The following TACR1 variants were observed in gnomAD, a reference collection of about 807,000 sequenced individuals.
The protein encoded by TACR1 is tachykinin receptor 1, also known as substance-P receptor.
In TACR1, 25 loss-of-function variants were observed where a neutral mutation model predicts 35.8. That is an observed-to-expected ratio of 0.70 (90% confidence interval 0.51 to 0.98). The LOEUF is 0.98. Ranked by LOEUF, TACR1 falls within the 50% of genes least tolerant of loss-of-function variation. The probability of loss-of-function intolerance (pLI) is 0.00; values close to 1 mark genes in which losing one functional copy is unlikely to be tolerated. For missense variants in TACR1, 478 were observed against 522.9 expected, an observed-to-expected ratio of 0.91 and a Z score of 0.84; for synonymous variants, 195 against 206.7, an observed-to-expected ratio of 0.94 and a Z score of 0.48.
Position 75,085,863 on chromosome 2 carries a change from T to C in TACR1, c.585-32108A>G, listed in dbSNP as rs574807337. Among the ~76,000 whole-genome samples the C allele has an allele frequency of 5.6e-4, 85 of 152,342 alleles. 1 individual carries two copies. The South Asian group carries it at 0.017, about 31-fold the overall frequency. ...TTCCTCATTCCATAAACTCATTCTC[T>C]TTCTCTGATCCCCTCTGGAATTCTT... On this transcript the variant is annotated intron_variant, in intron 2 of 4. Coordinates refer to ENST00000305249, the MANE Select transcript of TACR1 (RefSeq NM_001058.4).
At chr2:75,143,950 T>C (rs1204395055) in intron 1 of TACR1, among the ~76,000 whole-genome samples, 2 of 152,056 alleles carry the variant, frequency 1.3e-5, no homozygotes. Context: ...CTTCCAAGCG[T>C]GTAGAGGGAA....
chr2:75,175,212 G>A (rs1572980166), intron 1 of TACR1, among the ~76,000 whole-genome samples: 1 of 152,168 alleles, frequency 6.6e-6, no homozygotes, highest in African/African-American at 2.4e-5. Flanking sequence ...CTGGCATTTT[G>A]TTGTGGGAAC....
chr2:75,172,401 G>A (rs1675308273), intron 1 of TACR1, among the ~76,000 whole-genome samples: 1 of 152,170 alleles, frequency 6.6e-6, no homozygotes, highest in Non-Finnish European at 1.5e-5. Flanking sequence ...AGAAAGAATA[G>A]TCACATAATT....
chr2:75,091,900 G>A lies in TACR1; in HGVS notation c.584+28674C>T, dbSNP rs189081849. On this transcript the variant is annotated intron_variant, in intron 2 of 4. Transcript: ENST00000305249. ...GCAGTTCTTCCCCTCACTAATGTAC[G>A]GCTGTGGACAGGTTATGTAAGTTCT... 2.5e-3 allele frequency among the ~76,000 whole-genome samples: 388 copies of A among 152,290 alleles called. 3 individuals carry two copies. Among genetic ancestry groups the A allele is most frequent in the African/African-American group, 9.0e-3 (376 of 41,556 alleles).
At chr2:75,187,039 AG>A (rs1470537182) in intron 1 of TACR1, 1 of 152,286 alleles carries the variant, frequency 6.6e-6, no homozygotes, top group Non-Finnish European at 1.5e-5. Context: ...CCCTCGCCCC[AG>A]GATTTGTAAA....
intron 2 of TACR1, among the ~76,000 whole-genome samples, chr2:75,120,256 C>T (rs544200611): frequency 5.7e-4 from 86 of 152,146 alleles, no homozygotes; most frequent in African/African-American, 2.0e-3. Flanking sequence ...GGAAAAAGTT[C>T]CTAGGCAAAG....
In TACR1 at chr2:75,129,474, G is replaced by A. The variant is rs111698250; in HGVS notation, c.390-8706C>T. On this transcript the variant is annotated intron_variant, in intron 1 of 4. Coordinates refer to ENST00000305249, the MANE Select transcript of TACR1 (RefSeq NM_001058.4). Reference sequence around the variant, plus strand: ...ATTTGAAAATACAAAATAAATTGTCGTTGAATGGATTTTGAATGTTCCCAA... The same window carrying A: ...ATTTGAAAATACAAAATAAATTGTCATTGAATGGATTTTGAATGTTCCCAA... 4.6e-3 allele frequency among the ~76,000 whole-genome samples: 699 copies of A among 152,218 alleles called. 9 individuals carry two copies. The highest frequency in any genetic ancestry group is 0.016 in the African/African-American group (658 of 41,516).
chr2:75,170,238 A>C (rs933367039), intron 1 of TACR1, among the ~76,000 whole-genome samples: 1 of 152,200 alleles, frequency 6.6e-6, no homozygotes. Flanking sequence ...TGTGATAGTG[A>C]ATAAGTCTCA....
intron 1 of TACR1, among the ~76,000 whole-genome samples, chr2:75,146,625 GCGT>G (rs1242874123): frequency 6.6e-6 from 1 of 152,138 alleles, no homozygotes; most frequent in Admixed American, 6.5e-5. Flanking sequence ...GAGGATTATT[GCGT>G]TACTTGTGAT....
intron 2 of TACR1, among the ~76,000 whole-genome samples, chr2:75,119,448 AC>A (rs1015320186): frequency 6.6e-5 from 10 of 152,296 alleles, no homozygotes; most frequent in Admixed American, 6.5e-4. Flanking sequence ...CACATAAAAA[AC>A]CCGAGATTGG....
At chr2:75,099,112 C>T (rs1439477538) in intron 2 of TACR1, among the ~76,000 whole-genome samples, 1 of 152,106 alleles carries the variant, frequency 6.6e-6, no homozygotes, top group African/African-American at 2.4e-5. Flanking sequence ...CCTGGTCACT[C>T]TTCCCTGATC....
At chr2:75,089,860 G>A (rs1673271930) in intron 2 of TACR1, among the ~76,000 whole-genome samples, 1 of 152,076 alleles carries the variant, frequency 6.6e-6, no homozygotes, top group Non-Finnish European at 1.5e-5. Context: ...CCAAACCATA[G>A]TACATTACAA....
chr2:75,154,526 A>ACACACACACACACACT (rs1379600710), intron 1 of TACR1: 3 of 117,142 alleles, frequency 2.6e-5, no homozygotes, highest in Admixed American at 8.1e-5. Flanking sequence ...ACACACACAC[A>ACACACACACACACACT]CTCTCTGAAG....
At chr2:75,195,442 C>A (rs1185746982) in intron 1 of TACR1, among the ~76,000 whole-genome samples, 3 of 151,746 alleles carry the variant, frequency 2.0e-5, no homozygotes, top group Admixed American at 2.0e-4. Context: ...CCCACCCCAC[C>A]TTTCCTGTAG....
At chr2:75,054,081 T>C (rs2103784668) in intron 2 of TACR1, among the ~76,000 whole-genome samples, 2 of 152,316 alleles carry the variant, frequency 1.3e-5, no homozygotes, top group East Asian at 3.9e-4. Context: ...TTTCAGTTGA[T>C]GATCAGTTCA....
At chr2:75,153,757 A>G (rs1234510991) in intron 1 of TACR1, among the ~76,000 whole-genome samples, 8 of 152,188 alleles carry the variant, frequency 5.3e-5, no homozygotes, top group Admixed American at 1.3e-4. Context: ...ATCCAGGTGG[A>G]CCAACCAGGG....
intron 1 of TACR1, among the ~76,000 whole-genome samples, chr2:75,147,170 T>C (rs1171821230): frequency 1.3e-5 from 2 of 152,234 alleles, no homozygotes; most frequent in Non-Finnish European, 2.9e-5. Context: ...ATAAACACCA[T>C]GTTCCTTCCC....
At chr2:75,192,771 C>T (rs1308472665) in intron 1 of TACR1, among the ~76,000 whole-genome samples, 1 of 152,086 alleles carries the variant, frequency 6.6e-6, no homozygotes, top group Non-Finnish European at 1.5e-5. Flanking sequence ...ATCGCTCTTC[C>T]AGGTTGAAAC....
At chr2:75,060,847 G>A (rs973194560) in intron 2 of TACR1, among the ~76,000 whole-genome samples, 1 of 151,914 alleles carries the variant, frequency 6.6e-6, no homozygotes, top group Non-Finnish European at 1.5e-5. Flanking sequence ...TGAGGGGAGA[G>A]ATTCAGGAAG....
Sources: allele counts gnomAD v4.1 joint callset (sites outside exome capture counted in the v4.1 genomes callset), GRCh38; gene constraint gnomAD v4.1.1; transcripts MANE v1.5; gene names NCBI Gene and HGNC (gene_info 2026-07-23, HGNC 2026-07-21).